The following MYO18B variants were observed in gnomAD, a reference collection of about 807,000 sequenced individuals.
MYO18B encodes the protein unconventional myosin-XVIIIb.
In MYO18B, 204 loss-of-function variants were observed where a neutral mutation model predicts 273.0. The observed-to-expected ratio is 0.75, with a 90% CI of 0.67 to 0.84. MYO18B has a LOEUF of 0.84. MYO18B is among the 40% of genes least tolerant of loss of function. The pLI, the probability that MYO18B is intolerant of heterozygous loss-of-function variation, is 0.00. For synonymous variants in MYO18B, 1,330 were observed against 1,305.7 expected (o/e 1.02, Z -0.40); for missense variants, 3,212 against 3,287.6 (o/e 0.98, Z 0.56).
chr22:26,001,143 G>T (rs1436431954), intron 40 of MYO18B, among the ~76,000 whole-genome samples: 1 of 152,100 alleles, frequency 6.6e-6, no homozygotes, highest in East Asian at 1.9e-4. Flanking sequence ...GCAGTGCAGT[G>T]TTGGGTCATG....
In MYO18B at chr22:25,995,824, C is replaced by G. The variant is rs1209517150; in HGVS notation, c.6287+3331C>G. On this transcript the variant is annotated intron_variant, in intron 40 of 43. Transcript: ENST00000335473. ...TTCTTTCTTTCTCACTTTTCATGATCTTCTGTCTCTAGGGACTTAAGTCTT... is the reference window on the plus strand; with the variant it reads ...TTCTTTCTTTCTCACTTTTCATGATGTTCTGTCTCTAGGGACTTAAGTCTT... 2.0e-5 allele frequency among the ~76,000 whole-genome samples: 3 copies of G among 152,192 alleles called. No homozygotes were observed. The East Asian group carries it at 5.8e-4, about 29-fold the overall frequency.
intron 34 of MYO18B, among the ~76,000 whole-genome samples, chr22:25,944,354 G>A (rs1394832960): frequency 6.6e-6 from 1 of 152,136 alleles, no homozygotes; most frequent in African/African-American, 2.4e-5. Flanking sequence ...ATTTTTCTCA[G>A]GGGCTGGAAA....
intron 33 of MYO18B, among the ~76,000 whole-genome samples, chr22:25,920,732 A>G (rs1358545795): frequency 6.6e-6 from 1 of 152,268 alleles, no homozygotes; most frequent in Non-Finnish European, 1.5e-5. Context: ...TGTACAGCTC[A>G]GTGAATTTTC....
At chr22:26,033,125 C>G (rs576486801), downstream of MYO18B, among the ~76,000 whole-genome samples, 1 of 152,194 alleles carries the variant, frequency 6.6e-6, no homozygotes, top group Non-Finnish European at 1.5e-5. Flanking sequence ...AACAGACTCA[C>G]ATTGCCTTCC....
At chr22:25,796,590 T>TG (rs1051141202) in intron 11 of MYO18B, among the ~76,000 whole-genome samples, 17 of 74,368 alleles carry the variant, frequency 2.3e-4, no homozygotes, top group African/African-American at 1.0e-3. Flanking sequence ...AGTGAGACCC[T>TG]GTCTAAAAAA....
intron 39 of MYO18B, among the ~76,000 whole-genome samples, chr22:25,990,686 CAAAAAAAAAAAAAA>C (rs745998234): frequency 1.1e-4 from 3 of 27,014 alleles, no homozygotes; most frequent in South Asian, 3.0e-3. Context: ...GACTTTGTCT[CAAAAAAAAAAAAAA>C]AAAAAAAAAA....
intron 31 of MYO18B, 75 bp from the exon 32 acceptor site, chr22:25,908,247 A>T: frequency 8.6e-7 from 1 of 1,164,990 alleles, no homozygotes; most frequent in Non-Finnish European, 1.3e-6. Flanking sequence ...TGCAATTGGA[A>T]TGCCAAGGAT....
chr22:25,771,696 G>A (rs957327502), intron 6 of MYO18B, among the ~76,000 whole-genome samples: 6 of 152,230 alleles, frequency 3.9e-5, no homozygotes, highest in African/African-American at 1.2e-4. Flanking sequence ...AAGAAAGGCT[G>A]ATCCATGAGA....
At chr22:25,977,461 A>G (rs922770655) in intron 39 of MYO18B, among the ~76,000 whole-genome samples, 7 of 152,148 alleles carry the variant, frequency 4.6e-5, no homozygotes. Context: ...CATTGGGAGT[A>G]GTGGTTGTAT....
At chr22:26,003,801 A>C (rs1370974926) in intron 41 of MYO18B, among the ~76,000 whole-genome samples, 6 of 152,140 alleles carry the variant, frequency 3.9e-5, no homozygotes, top group Non-Finnish European at 1.5e-5. Flanking sequence ...TTAGGCCTCC[A>C]AGAAGCAAAT....
intron 38 of MYO18B, among the ~76,000 whole-genome samples, chr22:25,954,398 CTCTT>C (rs2092824900): frequency 6.6e-6 from 1 of 151,736 alleles, no homozygotes; most frequent in Non-Finnish European, 1.5e-5. Flanking sequence ...GCAGAGTTCT[CTCTT>C]CATTGCACCA....
downstream of MYO18B, among the ~76,000 whole-genome samples, chr22:26,035,582 C>T (rs953128105): frequency 4.6e-5 from 7 of 152,186 alleles, no homozygotes; most frequent in South Asian, 2.1e-4. Context: ...AATTCCTGAT[C>T]GGAGAACCAG....
At chr22:25,937,539 C>A (rs1306720025) in intron 34 of MYO18B, among the ~76,000 whole-genome samples, 1 of 151,490 alleles carries the variant, frequency 6.6e-6, no homozygotes. Flanking sequence ...CCACTGTCAT[C>A]AGACTTCTGG....
chr22:25,793,610 G>A (rs1029787430), intron 11 of MYO18B, among the ~76,000 whole-genome samples: 1 of 152,150 alleles, frequency 6.6e-6, no homozygotes, highest in Non-Finnish European at 1.5e-5. Flanking sequence ...AAGTCACATG[G>A]TTGGGAGTGC....
chr22:25,749,710 T>C (rs896988857), intron 1 of MYO18B, among the ~76,000 whole-genome samples: 1 of 152,172 alleles, frequency 6.6e-6, no homozygotes, highest in Non-Finnish European at 1.5e-5. Flanking sequence ...TCCCCATTAC[T>C]CAATCCTCTC....
intron 33 of MYO18B, among the ~76,000 whole-genome samples, chr22:25,914,236 G>A (rs897150912): frequency 4.6e-5 from 7 of 151,890 alleles, no homozygotes; most frequent in Admixed American, 1.3e-4. Flanking sequence ...AAAATTGCCT[G>A]TTTTATTGAC....
chr22:25,840,143 T>G (rs1481198415), intron 17 of MYO18B, among the ~76,000 whole-genome samples: 1 of 152,088 alleles, frequency 6.6e-6, no homozygotes, highest in Non-Finnish European at 1.5e-5. Flanking sequence ...TTGTTGCCAT[T>G]CTCCCCACAA....
At chr22:25,813,346 T>G (rs1348065941) in intron 12 of MYO18B, among the ~76,000 whole-genome samples, 4 of 151,842 alleles carry the variant, frequency 2.6e-5, no homozygotes, top group African/African-American at 9.7e-5. Context: ...CACCGCACCC[T>G]GTCCCTCTCC....
intron 1 of MYO18B, among the ~76,000 whole-genome samples, chr22:25,759,532 T>C (rs1446663973): frequency 6.6e-6 from 1 of 151,792 alleles, no homozygotes; most frequent in Non-Finnish European, 1.5e-5. Context: ...GGTGGGGGAC[T>C]AGGGGAGGGA....
Sources: gnomAD v4.1 joint callset for allele counts (sites outside exome capture counted in the v4.1 genomes callset) on GRCh38, gnomAD v4.1.1 for gene constraint, MANE v1.5 for transcripts, NCBI Gene and HGNC (gene_info 2026-07-23, HGNC 2026-07-21) for gene names.